NFU1: variants seen among roughly 807,000 people sequenced by gnomAD.
NFU1 encodes the protein NFU1 iron-sulfur cluster scaffold homolog, mitochondrial.
In NFU1, 30 loss-of-function variants were observed where a neutral mutation model predicts 32.2. That is an observed-to-expected ratio of 0.93 (90% confidence interval 0.70 to 1.26). NFU1 has a LOEUF of 1.26. Ranked by LOEUF, NFU1 falls within the 50% of genes most tolerant of loss-of-function variation. The pLI is 0.00. For missense variants in NFU1, 306 were observed against 306.6 expected (o/e 1.00, Z 0.02); for synonymous variants, 112 against 104.6 (o/e 1.07, Z -0.43).
intron 3 of NFU1, 40 bp downstream of exon 3, chr2:69,423,542 T>G (rs1356368957): frequency 6.3e-7 from 1 of 1,592,116 alleles, no homozygotes; most frequent in East Asian, 2.2e-5. Context: ...AGTTAGTTAT[T>G]TATGTTTCTT....
In NFU1 at chr2:69,437,365, T is replaced by C. The variant is rs1295383176; in HGVS notation, c.58A>G (p.Arg20Gly). The C allele has an allele frequency of 6.2e-6, 10 of 1,607,758 alleles. No individual in the cohort carries two copies. Among genetic ancestry groups the C allele is most frequent in the Non-Finnish European group, 8.5e-6 (10 of 1,178,654 alleles). ...GAAAVAAGLR[R>G]RFCHMLKNPY... The stretch of plus-strand genomic sequence containing the variant: ...AGCTCCAGGCTCGTCACCTACCGCC[T>C]GCGCAGCCCGGCGGCAACAGCCGCA... The change falls in exon 1 of 8, where the codon AGG becomes GGG. Residue 20 changes from arginine to glycine, a missense_variant. By Grantham distance (125) the Arg-to-Gly change is moderately radical (BLOSUM62 -2). Transcript: ENST00000410022.
intron 1 of NFU1, among the ~76,000 whole-genome samples, chr2:69,433,940 GTTTTT>G (rs57285184): frequency 1.4e-5 from 2 of 139,920 alleles, no homozygotes; most frequent in African/African-American, 2.6e-5. Context: ...TGCCCAGCTA[GTTTTT>G]TTTTTTTTTT....
At chr2:69,418,728 CA>C (rs969565864) in intron 4 of NFU1, among the ~76,000 whole-genome samples, 5 of 152,006 alleles carry the variant, frequency 3.3e-5, no homozygotes, top group Middle Eastern at 3.4e-3. Context: ...CTCGGCCTCC[CA>C]AAGTGCTGGG....
chr2:69,422,394 T>C (rs997718533), intron 3 of NFU1, among the ~76,000 whole-genome samples: 4 of 152,210 alleles, frequency 2.6e-5, no homozygotes, highest in African/African-American at 7.2e-5. Context: ...GGGGGACTAC[T>C]GGTTTAAACA....
chr2:69,422,118 T>C (rs1261349754), intron 3 of NFU1, among the ~76,000 whole-genome samples: 1 of 152,072 alleles, frequency 6.6e-6, no homozygotes, highest in African/African-American at 2.4e-5. Flanking sequence ...AAGAGATGGC[T>C]TCTAAGTGAT....
At chr2:69,428,736 T>A (rs1465916684) in intron 2 of NFU1, among the ~76,000 whole-genome samples, 1 of 152,190 alleles carries the variant, frequency 6.6e-6, no homozygotes, top group Non-Finnish European at 1.5e-5. Flanking sequence ...AATTTTCACA[T>A]CACCTATTTT....
chr2:69,406,804 C>G (rs1183848826), intron 5 of NFU1, among the ~76,000 whole-genome samples: 2 of 152,082 alleles, frequency 1.3e-5, no homozygotes, highest in Non-Finnish European at 2.9e-5. Context: ...GTGTCCCCAA[C>G]CAAATCTCAT....
At chr2:69,431,756 G>GA (rs1673645686) in intron 2 of NFU1, 146 bp downstream of exon 2, 1 of 650,604 alleles carries the variant, frequency 1.5e-6, no homozygotes. Context: ...AAGCCTATAA[G>GA]AAAAATATAG....
At chr2:69,396,101 G>T, downstream of NFU1, 1 of 674,188 alleles carries the variant, frequency 1.5e-6, no homozygotes, top group Non-Finnish European at 2.6e-6. Context: ...CTCATATGAG[G>T]TAAAGCAAAC....
chr2:69,420,925 A>G (rs1673217322), intron 3 of NFU1, among the ~76,000 whole-genome samples: 1 of 152,174 alleles, frequency 6.6e-6, no homozygotes, highest in South Asian at 2.1e-4. Context: ...GACTTATATC[A>G]AAAAAGTACG....
At chr2:69,417,952 C>T (rs1673111560) in intron 4 of NFU1, among the ~76,000 whole-genome samples, 1 of 151,340 alleles carries the variant, frequency 6.6e-6, no homozygotes, top group South Asian at 2.1e-4. Flanking sequence ...AACTAAATAA[C>T]TTTAAAAAAT....
chr2:69,403,041 TTCTCTTTC>T (rs1672578400), intron 6 of NFU1, among the ~76,000 whole-genome samples: 1 of 151,078 alleles, frequency 6.6e-6, no homozygotes, highest in African/African-American at 2.4e-5. Flanking sequence ...CTCTCTTTCT[TTCTCTTTC>T]TCTCTTTCTT....
At chr2:69,396,679 CAAATT>C (rs924552388) in intron 7 of NFU1, among the ~76,000 whole-genome samples, 2 of 151,950 alleles carry the variant, frequency 1.3e-5, no homozygotes, top group African/African-American at 4.8e-5. Flanking sequence ...AAAATAAAAG[CAAATT>C]AAATATTTGG....
chr2:69,420,719 AGTAG>A, intron 3 of NFU1, among the ~76,000 whole-genome samples: 1 of 152,214 alleles, frequency 6.6e-6, no homozygotes, highest in Non-Finnish European at 1.5e-5. Context: ...TTTAAAACCC[AGTAG>A]TGAGTTGTGG....
At chr2:69,426,819 A>T (rs908595033) in intron 2 of NFU1, among the ~76,000 whole-genome samples, 5 of 151,940 alleles carry the variant, frequency 3.3e-5, no homozygotes, top group Non-Finnish European at 7.4e-5. Context: ...CTGGAATCCC[A>T]GCACTTTGGG....
At chr2:69,406,917 G>T (rs1256931311) in intron 5 of NFU1, among the ~76,000 whole-genome samples, 2 of 152,204 alleles carry the variant, frequency 1.3e-5, no homozygotes, top group East Asian at 3.9e-4. Flanking sequence ...TCGTGATAGT[G>T]AGTGAGTTCT....
At chr2:69,425,479 T>C (rs1574144790) in intron 2 of NFU1, among the ~76,000 whole-genome samples, 1 of 151,524 alleles carries the variant, frequency 6.6e-6, no homozygotes, top group Admixed American at 6.6e-5. Flanking sequence ...CTCAGCCTCC[T>C]GAGTAGCTGG....
Position 69,414,018 on chromosome 2 carries a change from G to A in NFU1, c.484+1167C>T, listed in dbSNP as rs538020309. Among the ~76,000 whole-genome samples the A allele has an allele frequency of 4.6e-5, 7 of 152,210 alleles. No homozygotes were observed. The South Asian group carries it at 1.5e-3, about 32-fold the overall frequency. On this transcript the variant is annotated intron_variant, in intron 5 of 7. Transcript: ENST00000410022. ...GCCGAGATCACGCCACTGCACTCCA[G>A]CCTGGGCAACAGAGCAAGACTCTGT...
Position 69,400,418 on chromosome 2 carries a change from A to C in NFU1, c.666T>G (p.Asn222Lys). The change falls in exon 7 of 8, where the codon AAT becomes AAG. Residue 222 changes from asparagine to lysine, a missense_variant. Transcript: ENST00000410022. ...SCPSSIITLKNGIQNMLQFYI... is the reference protein window; with the variant it reads ...SCPSSIITLKKGIQNMLQFYI... Reference sequence around the variant, plus strand: ...AAAACTGCAGCATGTTCTGAATTCCATTTTTCAGAGTAATGATTGAACTAG... The same window carrying C: ...AAAACTGCAGCATGTTCTGAATTCCCTTTTTCAGAGTAATGATTGAACTAG... 6.2e-7 allele frequency: 1 copy of C among 1,614,110 alleles called. No homozygotes were observed. Among genetic ancestry groups the C allele is most frequent in the Non-Finnish European group, 8.5e-7 (1 of 1,179,986 alleles).
Sources: gnomAD v4.1 joint callset for allele counts (sites outside exome capture counted in the v4.1 genomes callset) on GRCh38, gnomAD v4.1.1 for gene constraint, MANE v1.5 for transcripts, NCBI Gene and HGNC (gene_info 2026-07-23, HGNC 2026-07-21) for gene names.